Variants in ARHGAP12 observed in about 807,000 individuals in gnomAD.
ARHGAP12 encodes the protein rho GTPase-activating protein 12.
In ARHGAP12, 64 loss-of-function variants were observed where a neutral mutation model predicts 108.6. The observed-to-expected ratio is 0.59, with a 90% CI of 0.48 to 0.73. The LOEUF is 0.73. Ranked by LOEUF, ARHGAP12 falls within the 30% of genes least tolerant of loss-of-function variation. The pLI, the probability that ARHGAP12 is intolerant of heterozygous loss-of-function variation, is 0.00. For synonymous variants in ARHGAP12, 312 were observed against 337.2 expected (o/e 0.93, Z 0.82); for missense variants, 940 against 1,005.9 (o/e 0.93, Z 0.89).
At chr10:31,882,052 C>T (rs1283343802) in intron 3 of ARHGAP12, among the ~76,000 whole-genome samples, 1 of 150,634 alleles carries the variant, frequency 6.6e-6, no homozygotes, top group Non-Finnish European at 1.5e-5. Flanking sequence ...GTAGCTGGGA[C>T]TACAGGCGCC....
intron 15 of ARHGAP12, 28 bp downstream of exon 15, chr10:31,812,679 T>C (rs749966570): frequency 7.2e-7 from 1 of 1,379,770 alleles, no homozygotes; most frequent in Non-Finnish European, 1.0e-6. Flanking sequence ...CAACATTCAT[T>C]ATTATCAACA....
intron 3 of ARHGAP12, among the ~76,000 whole-genome samples, chr10:31,873,866 T>G (rs1837627111): frequency 6.6e-6 from 1 of 152,214 alleles, no homozygotes; most frequent in African/African-American, 2.4e-5. Context: ...CAAAGAAAAT[T>G]CAATGGGACA....
chr10:31,919,817 A>AG (rs1310408939), intron 1 of ARHGAP12, among the ~76,000 whole-genome samples: 3 of 143,612 alleles, frequency 2.1e-5, no homozygotes, highest in Non-Finnish European at 4.6e-5. Flanking sequence ...ACCAAAAAAA[A>AG]CAAAAAACAA....
At position 31,807,362 on chromosome 10, in the gene ARHGAP12, G is replaced by A; in HGVS notation, c.*296C>T. ...CAGTTTTCTTACCAAATTATCCAGT[G>A]TATATGACTGGTTAGAATTTTAAGT... is the stretch of plus-strand genomic sequence containing the variant. On this transcript the variant is annotated 3_prime_UTR_variant, in exon 20 of 20. Coordinates refer to ENST00000344936, the MANE Select transcript of ARHGAP12 (RefSeq NM_018287.7). The A allele has an allele frequency of 3.8e-6, 1 of 263,782 alleles. No homozygotes were observed. The highest frequency in any genetic ancestry group is 8.0e-5 in the South Asian group (1 of 12,526). 16.3% of individuals were successfully genotyped at this position (263,782 alleles called of 1,614,324 possible).
chr10:31,916,675 GGC>G (rs1238277985), intron 1 of ARHGAP12, among the ~76,000 whole-genome samples: 1 of 152,112 alleles, frequency 6.6e-6, no homozygotes, highest in African/African-American at 2.4e-5. Flanking sequence ...GGAGTGCAGT[GGC>G]GCCATCTTGG....
At position 31,820,493 on chromosome 10, in the gene ARHGAP12, AT is replaced by A. The variant is rs769566682; in HGVS notation, c.1531-6del. The stretch of plus-strand genomic sequence containing the variant: ...TTTGGACTGATTACTGCCAAACTTC[AT>A]TTTTGAAAAAGAAAAAAAACCTTCA... On this transcript the variant is annotated splice_polypyrimidine_tract_variant and splice_region_variant and intron_variant, in intron 11 of 19. Coordinates refer to ENST00000344936, the MANE Select transcript of ARHGAP12 (RefSeq NM_018287.7). 1 of 1,565,308 alleles carries A rather than the reference AT, an allele frequency of 6.4e-7. No homozygotes were observed. The highest frequency in any genetic ancestry group is 2.0e-5 in the Admixed American group (1 of 50,162).
At chr10:31,832,137 A>G (rs1397404910) in intron 9 of ARHGAP12, among the ~76,000 whole-genome samples, 1 of 152,210 alleles carries the variant, frequency 6.6e-6, no homozygotes, top group East Asian at 1.9e-4. Flanking sequence ...CAATGCTATA[A>G]GGATAAATTC....
At chr10:31,848,900 A>G (rs762861974) in intron 6 of ARHGAP12, among the ~76,000 whole-genome samples, 12 of 152,028 alleles carry the variant, frequency 7.9e-5, no homozygotes, top group Non-Finnish European at 1.3e-4. Context: ...ATGAAACCCC[A>G]TCTCTACTAA....
Position 31,807,555 on chromosome 10 carries a change from T to C in ARHGAP12, c.*103A>G. ...GATCCCTCAAAAAAAAAGTGCAAAA[T>C]CAAAGAGTCACTGCTTGGTCCAAAA... On this transcript the variant is annotated 3_prime_UTR_variant, in exon 20 of 20. Transcript: ENST00000344936. The C allele has an allele frequency of 2.4e-6, 3 of 1,228,222 alleles. No individual in the cohort carries two copies. Among genetic ancestry groups the C allele is most frequent in the Non-Finnish European group, 2.2e-6 (2 of 908,712 alleles). The allele number at this position is 1,228,222 out of a possible 1,614,324, so 76.1% of individuals were successfully genotyped here.
Position 31,902,571 on chromosome 10 carries a change from G to A in ARHGAP12, c.684+5601C>T, listed in dbSNP as rs191546169. Among the ~76,000 whole-genome samples the A allele has an allele frequency of 3.3e-3, 501 of 151,786 alleles. 2 individuals are homozygous for A. The highest frequency in any genetic ancestry group is 3.7e-3 in the Non-Finnish European group (249 of 67,934). ...CATGCCTGTAGTCACAACTACTCACGAGGCTGAGAAGATCACTTAAGCTGA... is the reference window on the plus strand; with the variant it reads ...CATGCCTGTAGTCACAACTACTCACAAGGCTGAGAAGATCACTTAAGCTGA... On this transcript the variant is annotated intron_variant, in intron 3 of 19. Transcript: ENST00000344936.
intron 3 of ARHGAP12, among the ~76,000 whole-genome samples, chr10:31,871,586 T>C (rs1422147136): frequency 6.6e-6 from 1 of 152,136 alleles, no homozygotes; most frequent in Non-Finnish European, 1.5e-5. Flanking sequence ...AGGTACCAGG[T>C]AGAAAAGCTG....
intron 15 of ARHGAP12, 73 bp downstream of exon 15, chr10:31,812,634 T>C (rs1355073287): frequency 7.2e-6 from 7 of 967,520 alleles, no homozygotes; most frequent in East Asian, 2.5e-5. Context: ...AAAATGTTTG[T>C]TTTTAATTTG....
At chr10:31,849,872 G>A (rs1030235659) in intron 6 of ARHGAP12, among the ~76,000 whole-genome samples, 1 of 152,000 alleles carries the variant, frequency 6.6e-6, no homozygotes, top group African/African-American at 2.4e-5. Context: ...TTTCATTAAA[G>A]GCATCTCTGA....
chr10:31,876,818 C>A (rs117520600), intron 3 of ARHGAP12, among the ~76,000 whole-genome samples: 11 of 152,292 alleles, frequency 7.2e-5, no homozygotes, highest in Non-Finnish European at 1.5e-4. Context: ...GTTAAAACCG[C>A]AGTTTGTTTT....
At chr10:31,902,845 G>C (rs1838985203) in intron 3 of ARHGAP12, among the ~76,000 whole-genome samples, 1 of 152,150 alleles carries the variant, frequency 6.6e-6, no homozygotes, top group Non-Finnish European at 1.5e-5. Context: ...GAAAGTTTCT[G>C]TGACAGTGCT....
chr10:31,900,357 C>T (rs1838867733), intron 3 of ARHGAP12, among the ~76,000 whole-genome samples: 1 of 152,180 alleles, frequency 6.6e-6, no homozygotes, highest in Non-Finnish European at 1.5e-5. Context: ...ACATACCATA[C>T]ATCATGTTCT....
chr10:31,904,065 A>T (rs1408233011), intron 3 of ARHGAP12, among the ~76,000 whole-genome samples: 1 of 152,218 alleles, frequency 6.6e-6, no homozygotes, highest in Non-Finnish European at 1.5e-5. Context: ...TTTTCTAAAA[A>T]CTAACCATGC....
chr10:31,834,894 A>C (rs1339220470), intron 9 of ARHGAP12, among the ~76,000 whole-genome samples: 2 of 152,176 alleles, frequency 1.3e-5, no homozygotes, highest in Non-Finnish European at 2.9e-5. Flanking sequence ...TGGATACACA[A>C]GTAAGAGTTA....
intron 3 of ARHGAP12, among the ~76,000 whole-genome samples, chr10:31,883,614 T>C (rs530071005): frequency 1.3e-5 from 2 of 152,246 alleles, no homozygotes; most frequent in African/African-American, 2.4e-5. Flanking sequence ...GTCTCACTTC[T>C]TGTCATTCCC....
Sources: gnomAD v4.1 joint callset for allele counts (sites outside exome capture counted in the v4.1 genomes callset) on GRCh38, gnomAD v4.1.1 for gene constraint, MANE v1.5 for transcripts, NCBI Gene and HGNC (gene_info 2026-07-23, HGNC 2026-07-21) for gene names.